MMP26: variants seen among roughly 807,000 people sequenced by gnomAD.
The protein encoded by MMP26 is matrix metalloproteinase-26.
Under a neutral mutation model 31.0 loss-of-function variants are expected in MMP26, and 33 were observed. The ratio of observed to expected loss-of-function variants is 1.06; its 90% CI spans 0.81 to 1.42. The LOEUF (loss-of-function observed/expected upper bound fraction) is 1.42, where lower values mean the gene tolerates loss of function less well. Among genes scored for constraint, MMP26 ranks in the 40% most tolerant of loss-of-function variants. MMP26 has a pLI of 0.00. For synonymous variants in MMP26, 122 were observed against 114.9 expected (o/e 1.06, Z -0.40); for missense variants, 347 against 316.1 (o/e 1.10, Z -0.74).
chr11:4,863,853 C>G (rs1159213674), intron 2 of MMP26, among the ~76,000 whole-genome samples: 2 of 152,192 alleles, frequency 1.3e-5, no homozygotes, highest in African/African-American at 4.8e-5. Flanking sequence ...ATCTGTCAGA[C>G]TGTCTTCTAT....
intron 2 of MMP26, among the ~76,000 whole-genome samples, chr11:4,825,964 C>T (rs971845000): frequency 2.0e-4 from 31 of 151,800 alleles, no homozygotes; most frequent in African/African-American, 7.2e-4. Context: ...TAACAAGGAG[C>T]TAAAATAGTG....
chr11:4,905,442 A>T (rs1417318344), intron 2 of MMP26, among the ~76,000 whole-genome samples: 1 of 152,172 alleles, frequency 6.6e-6, no homozygotes, highest in African/African-American at 2.4e-5. Context: ...CCTCTAAAAA[A>T]TCACAAAATA....
chr11:4,879,569 G>A (rs145620782), intron 2 of MMP26, among the ~76,000 whole-genome samples: 46 of 152,198 alleles, frequency 3.0e-4, no homozygotes, highest in South Asian at 6.2e-4. Flanking sequence ...TTTAGACAGC[G>A]AAGTTATTAA....
At chr11:4,896,124 T>C (rs1012136519) in intron 2 of MMP26, among the ~76,000 whole-genome samples, 5 of 152,194 alleles carry the variant, frequency 3.3e-5, no homozygotes, top group African/African-American at 1.2e-4. Flanking sequence ...CCCTCATTTA[T>C]GTTCCTTCCA....
intron 2 of MMP26, among the ~76,000 whole-genome samples, chr11:4,920,286 C>T (rs907844756): frequency 6.6e-6 from 1 of 152,116 alleles, no homozygotes; most frequent in Admixed American, 6.5e-5. Context: ...ATGTAAGTAC[C>T]TAGTAGAACC....
intron 3 of MMP26, 114 bp downstream of exon 3, chr11:4,988,424 T>C: frequency 3.7e-6 from 3 of 802,326 alleles, no homozygotes; most frequent in South Asian, 2.8e-5. Context: ...ACATTAATAT[T>C]ACACATGAAA....
intron 2 of MMP26, among the ~76,000 whole-genome samples, chr11:4,772,308 G>C (rs899344722): frequency 6.6e-6 from 1 of 152,180 alleles, no homozygotes; most frequent in African/African-American, 2.4e-5. Flanking sequence ...GGAATAGAGA[G>C]ATGTACATCA....
chr11:4,794,904 G>A (rs1849084878), intron 2 of MMP26: 1 of 152,228 alleles, frequency 6.6e-6, no homozygotes, highest in South Asian at 2.1e-4. Flanking sequence ...GCCAAGAACG[G>A]TCAACACCCT....
intron 2 of MMP26, chr11:4,803,672 G>A (rs370671099): frequency 5.6e-6 from 9 of 1,613,580 alleles, no homozygotes; most frequent in African/African-American, 2.7e-5. Flanking sequence ...GCTTTGAGGC[G>A]GGCTTCACCT....
chr11:4,917,368 C>T (rs1375785961), intron 2 of MMP26, among the ~76,000 whole-genome samples: 1 of 152,104 alleles, frequency 6.6e-6, no homozygotes, highest in African/African-American at 2.4e-5. Flanking sequence ...CTCTAGACTT[C>T]AGGATATAAA....
At chr11:4,924,061 C>T (rs780432992) in intron 2 of MMP26, 9 of 1,614,160 alleles carry the variant, frequency 5.6e-6, no homozygotes, top group Non-Finnish European at 7.6e-6. Flanking sequence ...GGATGCCAAT[C>T]TCTCTGGTAT....
At chr11:4,769,591 G>A (rs1848684950) in intron 2 of MMP26, 3 of 1,613,394 alleles carry the variant, frequency 1.9e-6, no homozygotes, top group African/African-American at 1.3e-5. Flanking sequence ...CCATAAAAGT[G>A]AATCCATGAA....
chr11:4,804,468 G>C (rs944200859), intron 2 of MMP26: 3 of 1,012,464 alleles, frequency 3.0e-6, no homozygotes, highest in Non-Finnish European at 4.8e-6. Flanking sequence ...TATATACAAG[G>C]CTTTTGGATG....
chr11:4,843,182 G>T (rs1014088799), intron 2 of MMP26, among the ~76,000 whole-genome samples: 2 of 152,222 alleles, frequency 1.3e-5, no homozygotes, highest in African/African-American at 4.8e-5. Flanking sequence ...CAAGCTATCG[G>T]TGGATCTGCC....
At chr11:4,907,133 A>T (rs985117928) in intron 2 of MMP26, among the ~76,000 whole-genome samples, 3 of 150,608 alleles carry the variant, frequency 2.0e-5, no homozygotes, top group African/African-American at 7.4e-5. Context: ...AATCCTAAAA[A>T]GTCACCAACT....
chr11:4,845,787 G>A (rs1432909373), intron 2 of MMP26, among the ~76,000 whole-genome samples: 4 of 152,048 alleles, frequency 2.6e-5, no homozygotes, highest in Non-Finnish European at 4.4e-5. Context: ...GGCAAAAGAG[G>A]TACATAAACA....
At chr11:4,714,759 T>C (rs1164195694) in intron 1 of MMP26, among the ~76,000 whole-genome samples, 3 of 152,080 alleles carry the variant, frequency 2.0e-5, no homozygotes, top group Non-Finnish European at 2.9e-5. Flanking sequence ...GCCCAGGAAA[T>C]AACTTGAAAC....
At chr11:4,776,960 A>T (rs1282431978) in intron 2 of MMP26, among the ~76,000 whole-genome samples, 1 of 152,184 alleles carries the variant, frequency 6.6e-6, no homozygotes, top group Non-Finnish European at 1.5e-5. Flanking sequence ...AACTTAAAAA[A>T]TATGTATACT....
In MMP26 at chr11:4,935,451, G is replaced by T. The variant is rs945623674; in HGVS notation, c.-144-52617G>T. On this transcript the variant is annotated intron_variant, in intron 2 of 7. Coordinates refer to ENST00000380390, the MANE Select transcript of MMP26 (RefSeq NM_021801.5). ...TGTATCCTGAGACTTTGCTGAAGTT[G>T]CTTATCAGCTTAAGGAGATTTTGGG... Among the ~76,000 whole-genome samples the T allele has an allele frequency of 9.3e-5, 14 of 151,350 alleles. No homozygotes were observed. In the South Asian group the frequency reaches 2.5e-3, roughly 27 times the overall value.
Sources: allele counts gnomAD v4.1 joint callset (sites outside exome capture counted in the v4.1 genomes callset), GRCh38; gene constraint gnomAD v4.1.1; transcripts MANE v1.5; gene names NCBI Gene and HGNC (gene_info 2026-07-23, HGNC 2026-07-21).